Variants in GNAT3 observed in about 807,000 individuals in gnomAD.
The protein encoded by GNAT3 is G protein subunit alpha transducin 3.
GNAT3 carries 31 observed loss-of-function variants against 37.7 expected under a neutral mutation model. That is an observed-to-expected ratio of 0.82 (90% CI 0.62 to 1.11). The LOEUF is 1.11. GNAT3 is among the 50% of genes most tolerant of loss of function. GNAT3 has a pLI of 0.00. For synonymous variants in GNAT3, 138 were observed against 139.8 expected, an observed-to-expected ratio of 0.99 and a Z score of 0.09; for missense variants, 437 against 412.5, an observed-to-expected ratio of 1.06 and a Z score of -0.51.
chr7:80,489,563 T>G (rs1048968561), intron 2 of GNAT3, among the ~76,000 whole-genome samples: 1 of 152,132 alleles, frequency 6.6e-6, no homozygotes, highest in South Asian at 2.1e-4. Flanking sequence ...TTAATGTCTT[T>G]GAAGATATTA....
intron 1 of GNAT3, among the ~76,000 whole-genome samples, chr7:80,501,736 T>G (rs960841604): frequency 2.0e-5 from 3 of 151,942 alleles, no homozygotes; most frequent in African/African-American, 7.2e-5. Context: ...TTCAATTATC[T>G]GTATTCTCTG....
rs777559112 is a variant in GNAT3 at position 80,464,130 on chromosome 7, A to T, written c.591-1499T>A. On this transcript the variant is annotated intron_variant, in intron 5 of 7. Coordinates refer to ENST00000398291, the MANE Select transcript of GNAT3 (RefSeq NM_001102386.3). ...GTGTGTGTTTCAAAATAGACTTTAG[A>T]TATCCTATAGGATATCCAAAATGGA... Among the ~76,000 whole-genome samples the T allele has an allele frequency of 4.0e-5, 6 of 151,160 alleles. No homozygotes were observed. The Admixed American group carries it at 4.0e-4, about 10-fold the overall frequency.
intron 2 of GNAT3, among the ~76,000 whole-genome samples, chr7:80,489,272 A>G (rs1584185730): frequency 6.6e-6 from 1 of 152,100 alleles, no homozygotes; most frequent in Non-Finnish European, 1.5e-5. Context: ...ACTCTTCTCT[A>G]CCTTCCACTC....
chr7:80,503,713 G>A lies in GNAT3; in HGVS notation c.118+8096C>T, dbSNP rs373408392. On this transcript the variant is annotated intron_variant, in intron 1 of 7. Transcript: ENST00000398291. ...CCTCATGGAAAACATAAAGATACATGGGCAGCAAAGTAAAGTTGGGAAATT... is the reference window on the plus strand; with the variant it reads ...CCTCATGGAAAACATAAAGATACATAGGCAGCAAAGTAAAGTTGGGAAATT... 1.0e-3 allele frequency among the ~76,000 whole-genome samples: 158 copies of A among 152,226 alleles called. 6 individuals carry two copies. In the South Asian group the frequency reaches 0.032, roughly 30 times the overall value.
chr7:80,507,358 T>C (rs1790967055), intron 1 of GNAT3, among the ~76,000 whole-genome samples: 1 of 151,916 alleles, frequency 6.6e-6, no homozygotes, highest in African/African-American at 2.4e-5. Context: ...AAAGCACACA[T>C]AGAATAAAAA....
intron 3 of GNAT3, among the ~76,000 whole-genome samples, chr7:80,481,268 G>GT (rs1790387145): frequency 6.6e-6 from 1 of 152,068 alleles, no homozygotes; most frequent in Non-Finnish European, 1.5e-5. Flanking sequence ...AAAATTCTAA[G>GT]TCCCCCAAGC....
intron 4 of GNAT3, among the ~76,000 whole-genome samples, chr7:80,478,628 T>G (rs1489255413): frequency 2.0e-5 from 3 of 152,204 alleles, no homozygotes; most frequent in Non-Finnish European, 4.4e-5. Context: ...TCAAACTTAG[T>G]TATTTAAAAT....
chr7:80,506,152 T>C (rs555697230), intron 1 of GNAT3, among the ~76,000 whole-genome samples: 2 of 152,348 alleles, frequency 1.3e-5, no homozygotes, highest in Admixed American at 6.5e-5. Flanking sequence ...AAAATATTTG[T>C]CTTGAGTCAA....
rs149167005 is a variant in GNAT3, at chr7:80,492,051, C to T, written c.161+2554G>A. Reference sequence around the variant, plus strand: ...ACTTGAGATTAAAATGTTCATGCACCGGGCACAGTGGCTCATGCCTGTAAT... The same window carrying T: ...ACTTGAGATTAAAATGTTCATGCACTGGGCACAGTGGCTCATGCCTGTAAT... On this transcript the variant is annotated intron_variant, in intron 2 of 7. Transcript: ENST00000398291. Among the ~76,000 whole-genome samples the T allele has an allele frequency of 1.5e-3, 223 of 151,894 alleles. 3 individuals are homozygous for T. The East Asian group carries it at 0.038, about 26-fold the overall frequency.
At chr7:80,462,372 G>A in intron 6 of GNAT3, 60 bp from the exon 7 acceptor site, 6 of 1,562,816 alleles carry the variant, frequency 3.8e-6, no homozygotes, top group Non-Finnish European at 5.3e-6. Flanking sequence ...TGAATGTTGA[G>A]CATCATGAAC....
chr7:80,464,731 C>A (rs1282695675), intron 5 of GNAT3, among the ~76,000 whole-genome samples: 1 of 152,036 alleles, frequency 6.6e-6, no homozygotes, highest in Admixed American at 6.6e-5. Context: ...GTCTACCGAT[C>A]TGATTATTGA....
chr7:80,459,535 G>C (rs768710903), intron 7 of GNAT3, among the ~76,000 whole-genome samples: 11 of 152,194 alleles, frequency 7.2e-5, no homozygotes, highest in Non-Finnish European at 2.9e-5. Flanking sequence ...TTATATAGCA[G>C]TAATACAATG....
At chr7:80,509,298 T>C (rs73159440) in intron 1 of GNAT3, among the ~76,000 whole-genome samples, 2,677 of 152,196 alleles carry the variant, frequency 0.018, 34 homozygotes, top group Non-Finnish European at 0.027. Context: ...AGAATTCAGA[T>C]GGACTCCAAA....
At chr7:80,471,390 C>T (rs1878215) in intron 5 of GNAT3, among the ~76,000 whole-genome samples, 148,326 of 151,820 alleles carry the variant, frequency 0.98, 72,532 homozygotes, top group East Asian at 1. Flanking sequence ...GTATTAACCA[C>T]CACATACTCA....
chr7:80,491,759 G>A (rs533737453), intron 2 of GNAT3, among the ~76,000 whole-genome samples: 6 of 152,258 alleles, frequency 3.9e-5, no homozygotes, highest in South Asian at 2.1e-4. Flanking sequence ...AGGCAAAAGT[G>A]TGATGAAAAT....
intron 1 of GNAT3, among the ~76,000 whole-genome samples, chr7:80,510,863 T>C (rs1791052985): frequency 6.6e-6 from 1 of 152,178 alleles, no homozygotes. Flanking sequence ...AGTGTTTAAA[T>C]ACTTAAAATA....
intron 1 of GNAT3, among the ~76,000 whole-genome samples, chr7:80,505,593 C>T (rs192553501): frequency 2.6e-4 from 40 of 152,270 alleles, no homozygotes; most frequent in African/African-American, 8.4e-4. Flanking sequence ...GTCTCGATCT[C>T]CTGACCTTGT....
intron 1 of GNAT3, among the ~76,000 whole-genome samples, chr7:80,501,011 T>C (rs112100207): frequency 3.9e-5 from 6 of 152,084 alleles, no homozygotes; most frequent in Non-Finnish European, 8.8e-5. Context: ...CTTTGTCAAA[T>C]TTTGTTGTCA....
chr7:80,493,229 G>A (rs1790627923), intron 2 of GNAT3, among the ~76,000 whole-genome samples: 1 of 151,996 alleles, frequency 6.6e-6, no homozygotes. Flanking sequence ...CATGATCACA[G>A]CCTGGGAGAC....
Sources: gnomAD v4.1 joint callset for allele counts (sites outside exome capture counted in the v4.1 genomes callset) on GRCh38, gnomAD v4.1.1 for gene constraint, MANE v1.5 for transcripts, NCBI Gene and HGNC (gene_info 2026-07-23, HGNC 2026-07-21) for gene names.